Variants in ANKRD12 observed in about 807,000 individuals in gnomAD.
ANKRD12 encodes the protein ankyrin repeat domain 12.
Under a neutral mutation model 183.4 loss-of-function variants are expected in ANKRD12, and 85 were observed. The ratio of observed to expected loss-of-function variants is 0.46; its 90% CI spans 0.39 to 0.56. ANKRD12 has a LOEUF of 0.56. ANKRD12 is among the 20% of genes least tolerant of loss of function. ANKRD12 has a pLI of 0.00. For synonymous variants in ANKRD12, 914 were observed against 800.2 expected (o/e 1.14, Z -2.40); for missense variants, 2,405 against 2,357.1 (o/e 1.02, Z -0.42).
chr18:9,185,363 GA>G (rs1298362837), intron 2 of ANKRD12, among the ~76,000 whole-genome samples: 3 of 152,186 alleles, frequency 2.0e-5, no homozygotes, highest in Non-Finnish European at 4.4e-5. Flanking sequence ...TTGGCAGATC[GA>G]AAAGCTGTTG....
intron 1 of ANKRD12, chr18:9,137,472 G>C (rs1169209337): frequency 6.8e-6 from 1 of 146,178 alleles, no homozygotes; most frequent in African/African-American, 2.5e-5. Flanking sequence ...GGCGTGCGGC[G>C]GTCGGACCCG....
intron 1 of ANKRD12, among the ~76,000 whole-genome samples, chr18:9,172,924 CAG>C (rs1019555159): frequency 1.3e-4 from 19 of 149,096 alleles, no homozygotes; most frequent in African/African-American, 4.2e-4. Flanking sequence ...TTTTTTGAGA[CAG>C]AGTCTCGCCC....
chr18:9,228,954 A>G (rs562962311), intron 8 of ANKRD12, among the ~76,000 whole-genome samples: 1 of 151,842 alleles, frequency 6.6e-6, no homozygotes, highest in South Asian at 2.1e-4. Context: ...TCTCACATTT[A>G]AGTCTTTAAT....
chr18:9,222,847 A>G (rs1423442299), intron 8 of ANKRD12, among the ~76,000 whole-genome samples: 2 of 152,234 alleles, frequency 1.3e-5, no homozygotes, highest in African/African-American at 4.8e-5. Flanking sequence ...TTCTGAATAT[A>G]ACATTTTACT....
chr18:9,226,892 A>G (rs191124036), intron 8 of ANKRD12, among the ~76,000 whole-genome samples: 50 of 152,330 alleles, frequency 3.3e-4, no homozygotes, highest in Admixed American at 2.2e-3. Context: ...AGAAACCAAT[A>G]AAGGCAGTAG....
At chr18:9,178,163 C>G (rs1305287612) in intron 1 of ANKRD12, among the ~76,000 whole-genome samples, 1 of 152,134 alleles carries the variant, frequency 6.6e-6, no homozygotes, top group Non-Finnish European at 1.5e-5. Flanking sequence ...TTCATAATTT[C>G]TGCTTTTCAT....
intron 2 of ANKRD12, among the ~76,000 whole-genome samples, chr18:9,194,470 C>T (rs1242541225): frequency 6.6e-6 from 1 of 152,038 alleles, no homozygotes; most frequent in African/African-American, 2.4e-5. Context: ...GATTCTCCTG[C>T]CTCAGCCTCC....
In ANKRD12 at chr18:9,250,903, T is replaced by G. The variant is rs144321859; in HGVS notation, c.944-3308T>G. ...GAAGCAGTTGTGGAAGGAAAAGTAATGAGTTGAATGTTTTTAGTCTTGTTT... is the reference window on the plus strand; with the variant it reads ...GAAGCAGTTGTGGAAGGAAAAGTAAGGAGTTGAATGTTTTTAGTCTTGTTT... On this transcript the variant is annotated intron_variant, in intron 8 of 12. Coordinates refer to ENST00000262126, the MANE Select transcript of ANKRD12 (RefSeq NM_015208.5). Among the ~76,000 whole-genome samples, 435 of 152,268 alleles carry G rather than the reference T, an allele frequency of 2.9e-3. 1 individual carries two copies. Among genetic ancestry groups the G allele is most frequent in the Non-Finnish European group, 4.7e-3 (317 of 68,018 alleles).
chr18:9,226,762 G>A (rs1289916856), intron 8 of ANKRD12, among the ~76,000 whole-genome samples: 1 of 151,980 alleles, frequency 6.6e-6, no homozygotes, highest in Non-Finnish European at 1.5e-5. Context: ...ACCTAAAAGG[G>A]ATATAACATC....
intron 8 of ANKRD12, among the ~76,000 whole-genome samples, chr18:9,225,737 C>A (rs1015117656): frequency 3.9e-5 from 6 of 152,282 alleles, no homozygotes; most frequent in Non-Finnish European, 8.8e-5. Flanking sequence ...TCCCAAATTA[C>A]CCACTTACAA....
chr18:9,205,179 A>C (rs1160881755), intron 4 of ANKRD12, among the ~76,000 whole-genome samples: 1 of 152,206 alleles, frequency 6.6e-6, no homozygotes, highest in Non-Finnish European at 1.5e-5. Context: ...GATAGAATAC[A>C]AGAGGATATA....
intron 6 of ANKRD12, among the ~76,000 whole-genome samples, chr18:9,214,089 A>AT (rs929792072): frequency 6.6e-6 from 1 of 151,810 alleles, no homozygotes; most frequent in Non-Finnish European, 1.5e-5. Context: ...TATATTTGAA[A>AT]TTTTTTTTGA....
chr18:9,219,806 A>G (rs1428409647), intron 7 of ANKRD12, among the ~76,000 whole-genome samples: 3 of 152,048 alleles, frequency 2.0e-5, no homozygotes, highest in Non-Finnish European at 2.9e-5. Context: ...GACCTCTGGA[A>G]GTGCTTCTTA....
chr18:9,163,699 C>G (rs1261034685), intron 1 of ANKRD12, among the ~76,000 whole-genome samples: 2 of 152,104 alleles, frequency 1.3e-5, no homozygotes, highest in African/African-American at 4.8e-5. Context: ...TGTGTCCTCT[C>G]TTATTTCCTT....
At chr18:9,205,268 T>A (rs962489875) in intron 4 of ANKRD12, among the ~76,000 whole-genome samples, 1 of 152,094 alleles carries the variant, frequency 6.6e-6, no homozygotes, top group African/African-American at 2.4e-5. Context: ...TGTTTTTGAT[T>A]GTCTTTTTTT....
chr18:9,164,761 T>G (rs34452937), intron 1 of ANKRD12, among the ~76,000 whole-genome samples: 79,870 of 152,060 alleles, frequency 0.53, 23,201 homozygotes, highest in South Asian at 0.75. Flanking sequence ...TAAGAGAGTT[T>G]GTTGTAATTT....
chr18:9,170,332 C>A (rs977440163), intron 1 of ANKRD12, among the ~76,000 whole-genome samples: 5 of 152,176 alleles, frequency 3.3e-5, no homozygotes, highest in African/African-American at 9.7e-5. Context: ...CCATTCTCCC[C>A]GTCACTTTCA....
Position 9,255,094 on chromosome 18 carries a change from G to A in ANKRD12, c.1827G>A (p.Gln609=). Residue 609 remains glutamine, a synonymous_variant, in exon 9 of 13, where the codon CAG becomes CAA. Coordinates refer to ENST00000262126, the MANE Select transcript of ANKRD12 (RefSeq NM_015208.5). The part of the protein sequence containing the change: ...SCKHKEKSKH[Q]KDFHLEFGEK... Reference sequence around the variant, plus strand: ...AGCATAAGGAAAAAAGCAAACATCAGAAAGATTTCCACTTAGAATTTGGTG... The same window carrying A: ...AGCATAAGGAAAAAAGCAAACATCAAAAAGATTTCCACTTAGAATTTGGTG... The A allele has an allele frequency of 1.9e-6, 3 of 1,576,346 alleles. No homozygotes were observed. Among genetic ancestry groups the A allele is most frequent in the Non-Finnish European group, 2.6e-6 (3 of 1,167,856 alleles).
chr18:9,269,791 G>A (rs1374650738), intron 10 of ANKRD12, among the ~76,000 whole-genome samples: 1 of 152,142 alleles, frequency 6.6e-6, no homozygotes, highest in Non-Finnish European at 1.5e-5. Context: ...AAACTAAAGA[G>A]CTTCTGCACA....
Sources: gnomAD v4.1 joint callset for allele counts (sites outside exome capture counted in the v4.1 genomes callset) on GRCh38, gnomAD v4.1.1 for gene constraint, MANE v1.5 for transcripts, NCBI Gene and HGNC (gene_info 2026-07-23, HGNC 2026-07-21) for gene names.